Variants in ZNF483 observed in about 807,000 individuals in gnomAD.
ZNF483 encodes the protein zinc finger protein 483.
A neutral mutation model predicts 28.6 loss-of-function variants in ZNF483; 9 were observed. The ratio of observed to expected loss-of-function variants is 0.32; its 90% CI spans 0.19 to 0.55. The LOEUF is 0.55. Among genes scored for constraint, ZNF483 ranks in the 20% least tolerant of loss-of-function variants. The pLI, the probability that ZNF483 is intolerant of heterozygous loss-of-function variation, is 0.93. For missense variants in ZNF483, 675 were observed against 871.7 expected (o/e 0.77, Z 2.84); for synonymous variants, 322 against 306.2 (o/e 1.05, Z -0.54).
intron 3 of ZNF483, among the ~76,000 whole-genome samples, chr9:111,531,650 A>C (rs1460579144): frequency 6.6e-6 from 1 of 152,156 alleles, no homozygotes; most frequent in Non-Finnish European, 1.5e-5. Context: ...TGCTGGGATT[A>C]CAGGTGTGAG....
chr9:111,529,581 A>G (rs1261556318), intron 2 of ZNF483, among the ~76,000 whole-genome samples: 1 of 152,278 alleles, frequency 6.6e-6, no homozygotes, highest in African/African-American at 2.4e-5. Flanking sequence ...TACTAGGACT[A>G]TGAAGAATAC....
intron 5 of ZNF483, among the ~76,000 whole-genome samples, chr9:111,573,453 C>CT (rs1211911044): frequency 1.3e-5 from 2 of 152,126 alleles, no homozygotes; most frequent in Admixed American, 6.5e-5. Context: ...ACCAGTGGGG[C>CT]TATAAGGTTT....
At chr9:111,574,649 CAG>C in intron 5 of ZNF483, 1 of 774,548 alleles carries the variant, frequency 1.3e-6, no homozygotes, top group South Asian at 2.3e-5. Flanking sequence ...CTAATAATTT[CAG>C]AGTCACTGGC....
intron 5 of ZNF483, among the ~76,000 whole-genome samples, chr9:111,575,995 A>G (rs747239847): frequency 3.3e-5 from 5 of 152,064 alleles, no homozygotes; most frequent in Non-Finnish European, 1.5e-5. Flanking sequence ...CTCTACAAAA[A>G]AAAAATACAT....
In ZNF483 at chr9:111,527,683, G is replaced by A. The variant is rs1240646749; in HGVS notation, c.288G>A (p.Val96=). 4 of 1,614,034 alleles carry A rather than the reference G, an allele frequency of 2.5e-6. No homozygotes were observed. In the African/African-American group the frequency reaches 5.3e-5, roughly 22 times the overall value. The change falls in exon 2 of 6, where the codon GTG becomes GTA. Residue 96 remains valine (V), a synonymous_variant. Coordinates refer to ENST00000309235, the MANE Select transcript of ZNF483 (RefSeq NM_133464.5). ...HTKEQILELL[V]FEQFLTILPG... is the part of the protein sequence containing the mutation. Reference sequence around the variant, plus strand: ...AAGAACAGATTTTAGAGCTTCTGGTGTTTGAGCAGTTCCTGACCATTTTGC... The same window carrying A: ...AAGAACAGATTTTAGAGCTTCTGGTATTTGAGCAGTTCCTGACCATTTTGC...
intron 2 of ZNF483, among the ~76,000 whole-genome samples, chr9:111,528,321 A>C (rs115020297): frequency 6.6e-6 from 1 of 152,256 alleles, no homozygotes; most frequent in African/African-American, 2.4e-5. Flanking sequence ...TTTTAAATCA[A>C]ATTTAAAGTT....
At chr9:111,562,932 T>C (rs995330113) in intron 5 of ZNF483, 38 of 1,384,282 alleles carry the variant, frequency 2.7e-5, no homozygotes, top group Non-Finnish European at 3.4e-5. Context: ...TGACTGGTTG[T>C]TGTTGACTTT....
downstream of ZNF483, among the ~76,000 whole-genome samples, chr9:111,559,788 A>C (rs1388961140): frequency 6.6e-6 from 1 of 152,050 alleles, no homozygotes; most frequent in Non-Finnish European, 1.5e-5. Flanking sequence ...GGCTCCTTCT[A>C]ATGTCTTTAG....
At chr9:111,538,321 C>T (rs1462864521) in intron 5 of ZNF483, among the ~76,000 whole-genome samples, 1 of 151,938 alleles carries the variant, frequency 6.6e-6, no homozygotes, top group African/African-American at 2.4e-5. Context: ...TTGAGACCAG[C>T]CTGGGCAGCA....
rs776597505 is a variant in ZNF483 at position 111,541,783 on chromosome 9, G to A, written c.848G>A (p.Gly283Glu). Residue 283 changes from glycine to glutamate, a missense_variant, in exon 6 of 6, where the codon GGA becomes GAA. This residue lies in a region of ZNF483 where 525 missense variants were observed against 581.8 expected (regional missense o/e 0.90). Coordinates refer to ENST00000309235, the MANE Select transcript of ZNF483 (RefSeq NM_133464.5). ...EDHGNQGNSK[G>E]RVAQNKTLGS... ...CACGGTAATCAGGGAAATTCAAAAG[G>A]AAGAGTCGCACAAAACAAAACTCTT... The A allele has an allele frequency of 1.9e-6, 3 of 1,614,218 alleles. No individual in the cohort carries two copies. Among genetic ancestry groups the A allele is most frequent in the Non-Finnish European group, 2.5e-6 (3 of 1,180,036 alleles).
At chr9:111,574,788 T>C in intron 5 of ZNF483, 1 of 1,614,034 alleles carries the variant, frequency 6.2e-7, no homozygotes. Context: ...CATATGGCAA[T>C]CCTTCCAAAT....
intron 5 of ZNF483, among the ~76,000 whole-genome samples, chr9:111,540,285 G>A (rs1313585402): frequency 3.3e-5 from 5 of 152,004 alleles, no homozygotes; most frequent in African/African-American, 4.8e-5. Context: ...GAAATACACA[G>A]AATTGTGTAT....
chr9:111,552,286 C>T lies in ZNF483; in HGVS notation c.*9116C>T, dbSNP rs1564603568. Among the ~76,000 whole-genome samples the T allele has an allele frequency of 6.6e-6, 1 of 151,032 alleles. No homozygotes were observed. The highest frequency in any genetic ancestry group is 2.4e-5 in the African/African-American group (1 of 41,072). On this transcript the variant is annotated 3_prime_UTR_variant, in exon 6 of 6. Transcript: ENST00000309235. The stretch of plus-strand genomic sequence containing the variant: ...GAAACAAGATCATTAGATACATTGT[C>T]TTTTTTTTTCAGAAGTTTCATAAAC...
Position 111,549,411 on chromosome 9 carries a change from G to A in ZNF483, c.*6241G>A, listed in dbSNP as rs1827874549. Among the ~76,000 whole-genome samples the A allele has an allele frequency of 6.6e-6, 1 of 152,222 alleles. No homozygotes were observed. The highest frequency in any genetic ancestry group is 6.5e-5 in the Admixed American group (1 of 15,286). ...ACAACACATGTGAGGTTCCTCTGCT[G>A]AATGAATCTTTTGGTGCTCAGTAAG... On this transcript the variant is annotated 3_prime_UTR_variant, in exon 6 of 6. Transcript: ENST00000309235.
intron 5 of ZNF483, among the ~76,000 whole-genome samples, chr9:111,566,631 G>A (rs1828573321): frequency 6.6e-6 from 1 of 152,148 alleles, no homozygotes; most frequent in Admixed American, 6.6e-5. Context: ...TTTGCTACTT[G>A]GGACCTGGAA....
Position 111,550,122 on chromosome 9 carries a change from G to GTA in ZNF483, c.*6952_*6953insTA, listed in dbSNP as rs1827896423. The stretch of plus-strand genomic sequence containing the variant: ...CTGTCATAGGCTGTCTCTGTGCTAG[G>GTA]GATCAGCCTGTGTTGAATGCCTAAA... On this transcript the variant is annotated 3_prime_UTR_variant, in exon 6 of 6. Transcript: ENST00000309235. Among the ~76,000 whole-genome samples, 1 of 152,048 alleles carries GTA rather than the reference G, an allele frequency of 6.6e-6. No individual in the cohort carries two copies. Among genetic ancestry groups the GTA allele is most frequent in the Admixed American group, 6.5e-5 (1 of 15,270 alleles).
intron 3 of ZNF483, among the ~76,000 whole-genome samples, chr9:111,532,420 G>A (rs1827371681): frequency 6.6e-6 from 1 of 152,182 alleles, no homozygotes; most frequent in Admixed American, 6.5e-5. Flanking sequence ...AGAGGCAGGA[G>A]GAGATTGAAA....
chr9:111,539,094 CAG>C (rs1344187424), intron 5 of ZNF483, among the ~76,000 whole-genome samples: 1 of 112,900 alleles, frequency 8.9e-6, no homozygotes, highest in Admixed American at 1.4e-4. Context: ...GCCTGGGTGA[CAG>C]AGCGAGACTC....
At chr9:111,574,538 G>A (rs1486284056) in intron 5 of ZNF483, 4 of 356,816 alleles carry the variant, frequency 1.1e-5, no homozygotes, top group East Asian at 5.3e-5. Context: ...TTGTAGAGAC[G>A]GCATTTTGCC....
Sources: allele counts gnomAD v4.1 joint callset (sites outside exome capture counted in the v4.1 genomes callset), GRCh38; gene constraint gnomAD v4.1.1; regional missense constraint gnomAD v4.1.1; transcripts MANE v1.5; gene names NCBI Gene and HGNC (gene_info 2026-07-23, HGNC 2026-07-21).